The following TENM2 variants were observed in gnomAD, a reference collection of about 807,000 sequenced individuals.
The protein encoded by TENM2 is teneurin transmembrane protein 2, also known as teneurin-2.
A neutral mutation model predicts 245.2 loss-of-function variants in TENM2; 52 were observed. The observed-to-expected ratio is 0.21, with a 90% CI of 0.17 to 0.27. The LOEUF is 0.27. Ranked by LOEUF, TENM2 falls within the 10% of genes least tolerant of loss-of-function variation. The pLI is 1.00. For missense variants in TENM2, 3,046 were observed against 3,666.8 expected, an observed-to-expected ratio of 0.83 and a Z score of 4.37; for synonymous variants, 1,363 against 1,438.9, an observed-to-expected ratio of 0.95 and a Z score of 1.19.
chr5:167,947,168 A>G (rs1779694002), intron 3 of TENM2, among the ~76,000 whole-genome samples: 1 of 152,202 alleles, frequency 6.6e-6, no homozygotes, highest in South Asian at 2.1e-4. Flanking sequence ...GCCATTTCAA[A>G]GGACTTGGAA....
In TENM2 at chr5:168,148,877, A is replaced by T. The variant is rs146423745; in HGVS notation, c.2423-13734A>T. ...ATAAATAAATATAAATATATATGAT[A>T]GATAGATAGATAGATAGATAGATAG... On this transcript the variant is annotated intron_variant, in intron 12 of 28. Coordinates refer to ENST00000518659, the Ensembl canonical transcript of TENM2. Among the ~76,000 whole-genome samples the T allele has an allele frequency of 7.3e-3, 780 of 106,886 alleles. 4 individuals carry two copies. The highest frequency in any genetic ancestry group is 0.011 in the Non-Finnish European group (562 of 49,386). 70.1% of individuals were successfully genotyped at this position (106,886 alleles called of 152,430 possible). A position where few individuals can be genotyped will look rare whatever the true frequency, so the allele number is the denominator to read the frequency against.
intron 14 of TENM2, among the ~76,000 whole-genome samples, chr5:168,194,492 T>G (rs1324379334): frequency 6.6e-6 from 1 of 152,116 alleles, no homozygotes; most frequent in Non-Finnish European, 1.5e-5. Context: ...ATAGCAGGAA[T>G]TCGACATAAG....
exon 12 of TENM2, chr5:168,126,862 G>C: frequency 1.2e-6 from 2 of 1,609,042 alleles, no homozygotes; most frequent in Non-Finnish European, 1.7e-6. Context: ...TGCCACCCCC[G>C]CTGCATTGAG....
chr5:167,397,176 C>A (rs574357210), intron 2 of TENM2, among the ~76,000 whole-genome samples: 1 of 151,520 alleles, frequency 6.6e-6, no homozygotes, highest in Non-Finnish European at 1.5e-5. Context: ...AAGGCTACCA[C>A]GTTGCTTGTC....
At chr5:167,717,541 A>G (rs562088814) in intron 2 of TENM2, among the ~76,000 whole-genome samples, 10 of 152,272 alleles carry the variant, frequency 6.6e-5, no homozygotes, top group South Asian at 6.2e-4. Context: ...AGGATGCTAT[A>G]CTTTTTATAC....
chr5:167,432,829 G>A (rs1482800715), intron 2 of TENM2, among the ~76,000 whole-genome samples: 5 of 152,116 alleles, frequency 3.3e-5, no homozygotes, highest in Admixed American at 3.3e-4. Context: ...TGTCAAGGTG[G>A]TTAGATGGAA....
the TENM2 span, among the ~76,000 whole-genome samples, chr5:167,035,172 G>A: frequency 6.6e-6 from 1 of 151,990 alleles, no homozygotes; most frequent in Admixed American, 6.6e-5. Flanking sequence ...ATGCATAGTA[G>A]TTCTTTAATT....
intron 2 of TENM2, among the ~76,000 whole-genome samples, chr5:167,806,512 C>G (rs896387840): frequency 6.6e-6 from 1 of 152,108 alleles, no homozygotes; most frequent in African/African-American, 2.4e-5. Flanking sequence ...GTTACCTTCT[C>G]TTCCCTATTG....
At chr5:167,261,511 ATC>A in the TENM2 span, among the ~76,000 whole-genome samples, 1 of 152,036 alleles carries the variant, frequency 6.6e-6, no homozygotes, top group African/African-American at 2.4e-5. Flanking sequence ...CATCATCATC[ATC>A]ATCTTCTTCA....
intron 5 of TENM2, among the ~76,000 whole-genome samples, chr5:168,031,938 A>G (rs1400505432): frequency 6.6e-6 from 1 of 152,204 alleles, no homozygotes; most frequent in Non-Finnish European, 1.5e-5. Context: ...TCTAATCACC[A>G]TAGTCTATTA....
Position 167,671,760 on chromosome 5 carries a change from T to TTA in TENM2, c.503-204214_503-204213dup, listed in dbSNP as rs199544254. Among the ~76,000 whole-genome samples the TTA allele has an allele frequency of 6.3e-3, 942 of 149,116 alleles. 12 individuals carry two copies. The highest frequency in any genetic ancestry group is 0.021 in the African/African-American group (849 of 40,932). On this transcript the variant is annotated intron_variant, in intron 2 of 28. Transcript: ENST00000518659. ...ATATATATATATTTATAGCTACAGA[T>TTA]TATATATATATATTATATATTTATA...
chr5:167,065,122 C>G, the TENM2 span, among the ~76,000 whole-genome samples: 1 of 151,972 alleles, frequency 6.6e-6, no homozygotes, highest in Non-Finnish European at 1.5e-5. Context: ...TCTACTGGCA[C>G]CGTATACAAT....
chr5:167,523,223 G>A lies in TENM2; in HGVS notation c.502+147750G>A, dbSNP rs542066072. Among the ~76,000 whole-genome samples, 25 of 152,234 alleles carry A rather than the reference G, an allele frequency of 1.6e-4. 1 individual carries two copies. Among genetic ancestry groups the A allele is most frequent in the African/African-American group, 6.0e-4 (25 of 41,558 alleles). On this transcript the variant is annotated intron_variant, in intron 2 of 28. Transcript: ENST00000518659. ...TGTAATAGCCACTCTGTTGCCACAG[G>A]AGGTAAGATTTGCAGGTTCCAGGGA...
intron 1 of TENM2, among the ~76,000 whole-genome samples, chr5:167,370,944 G>A (rs527961958): frequency 2.0e-5 from 3 of 152,296 alleles, no homozygotes; most frequent in African/African-American, 7.2e-5. Context: ...ATGAATTAGG[G>A]CAAAATCAGT....
At chr5:167,325,172 T>C (rs1757008837) in intron 1 of TENM2, among the ~76,000 whole-genome samples, 2 of 152,274 alleles carry the variant, frequency 1.3e-5, no homozygotes, top group South Asian at 2.1e-4. Flanking sequence ...GCAATGACAA[T>C]ATTTAAGCAG....
chr5:167,743,979 T>C (rs1300734553), intron 2 of TENM2, among the ~76,000 whole-genome samples: 1 of 152,178 alleles, frequency 6.6e-6, no homozygotes, highest in Non-Finnish European at 1.5e-5. Context: ...TATTTTATAA[T>C]TGGAGAAACC....
At chr5:167,613,177 G>A (rs899161407) in intron 2 of TENM2, among the ~76,000 whole-genome samples, 1 of 152,094 alleles carries the variant, frequency 6.6e-6, no homozygotes, top group African/African-American at 2.4e-5. Context: ...TCAGACACTG[G>A]CTCCACCACT....
chr5:167,725,813 C>G (rs752900917), intron 2 of TENM2, among the ~76,000 whole-genome samples: 4 of 152,164 alleles, frequency 2.6e-5, no homozygotes, highest in African/African-American at 9.7e-5. Flanking sequence ...AAGCCTTACT[C>G]TCTCGCTTTG....
rs76104254 is a variant in TENM2 at position 167,643,960 on chromosome 5, G to A, written c.503-232026G>A. ...TTTGGAAGTAAATTAATTCAGTATC[G>A]CATAGTTTTGCTGATTTCATTTTTT... On this transcript the variant is annotated intron_variant, in intron 2 of 28. Transcript: ENST00000518659. Among the ~76,000 whole-genome samples, 1,371 of 152,128 alleles carry A rather than the reference G, an allele frequency of 9.0e-3. 15 individuals are homozygous for A. The highest frequency in any genetic ancestry group is 0.03 in the African/African-American group (1,261 of 41,512).
Sources: allele counts gnomAD v4.1 joint callset (sites outside exome capture counted in the v4.1 genomes callset), GRCh38; gene constraint gnomAD v4.1.1; transcripts MANE v1.5; gene names NCBI Gene and HGNC (gene_info 2026-07-23, HGNC 2026-07-21).